The following PRDM16 variants were observed in gnomAD, a reference collection of about 807,000 sequenced individuals.
PRDM16 encodes histone-lysine N-methyltransferase PRDM16.
PRDM16 carries 23 observed loss-of-function variants against 110.6 expected under a neutral mutation model. That is an observed-to-expected ratio of 0.21 (90% CI 0.15 to 0.29). The LOEUF (loss-of-function observed/expected upper bound fraction) is 0.29. PRDM16 is among the 10% of genes least tolerant of loss of function. The probability of loss-of-function intolerance (pLI) is 1.00; values close to 1 mark genes in which losing one functional copy is unlikely to be tolerated. For missense variants in PRDM16, 1,615 were observed against 1,794.3 expected (o/e 0.90, Z 1.81); for synonymous variants, 799 against 781.8 (o/e 1.02, Z -0.37).
intron 3 of PRDM16, among the ~76,000 whole-genome samples, chr1:3,346,439 C>G (rs966787283): frequency 6.6e-6 from 1 of 152,172 alleles, no homozygotes; most frequent in Non-Finnish European, 1.5e-5. Context: ...GGGCGGAACA[C>G]TCTGGAGACA....
intron 2 of PRDM16, among the ~76,000 whole-genome samples, chr1:3,221,084 G>A (rs1401811554): frequency 1.3e-5 from 2 of 152,230 alleles, no homozygotes; most frequent in Non-Finnish European, 2.9e-5. Flanking sequence ...GCCAGTGGCT[G>A]GGCCTTGGAA....
At chr1:3,174,326 C>G (rs1314015589) in intron 1 of PRDM16, among the ~76,000 whole-genome samples, 1 of 152,176 alleles carries the variant, frequency 6.6e-6, no homozygotes, top group Non-Finnish European at 1.5e-5. Context: ...ACTATAAAGA[C>G]CTTATTTCCG....
At chr1:3,349,659 G>A (rs1642441375) in intron 3 of PRDM16, among the ~76,000 whole-genome samples, 1 of 152,240 alleles carries the variant, frequency 6.6e-6, no homozygotes, top group Non-Finnish European at 1.5e-5. Context: ...GCCCGTGAAA[G>A]CCAGCCTTGG....
At chr1:3,351,821 C>G (rs975906226) in intron 3 of PRDM16, among the ~76,000 whole-genome samples, 3 of 146,380 alleles carry the variant, frequency 2.0e-5, no homozygotes, top group African/African-American at 5.1e-5. Flanking sequence ...CTTGCAGTCT[C>G]CAGCCATTTG....
At chr1:3,282,369 T>A (rs1305630951) in intron 3 of PRDM16, among the ~76,000 whole-genome samples, 2 of 152,084 alleles carry the variant, frequency 1.3e-5, no homozygotes, top group African/African-American at 2.4e-5. Context: ...CCCCCACAGG[T>A]CCTCGACCCA....
At chr1:3,393,172 C>T (rs1018156445) in intron 4 of PRDM16, among the ~76,000 whole-genome samples, 12 of 152,246 alleles carry the variant, frequency 7.9e-5, no homozygotes, top group Admixed American at 3.9e-4. Context: ...AAATTCCAGC[C>T]TTGCCCGTGC....
chr1:3,383,567 C>T lies in PRDM16; in HGVS notation c.439-1585C>T, dbSNP rs182203876. ...CACATGCTTCCCCATTGATTGGTGC[C>T]GACGTTTAACTTTTCAAAAGAATTC... On this transcript the variant is annotated intron_variant, in intron 3 of 16. Transcript: ENST00000270722. Among the ~76,000 whole-genome samples, 362 of 152,194 alleles carry T rather than the reference C, an allele frequency of 2.4e-3. 1 individual carries two copies. The highest frequency in any genetic ancestry group is 3.7e-3 in the South Asian group (18 of 4,806).
At chr1:3,356,378 A>G (rs1339854419) in intron 3 of PRDM16, among the ~76,000 whole-genome samples, 2 of 152,166 alleles carry the variant, frequency 1.3e-5, no homozygotes, top group Non-Finnish European at 2.9e-5. Context: ...CTGCCGTCTC[A>G]TCAGGCGGAG....
intron 3 of PRDM16, among the ~76,000 whole-genome samples, chr1:3,287,724 G>A (rs1304359426): frequency 4.4e-5 from 6 of 136,192 alleles, no homozygotes; most frequent in Admixed American, 7.0e-5. Flanking sequence ...ATCCAGGATT[G>A]CATTTACCGG....
chr1:3,302,531 A>C (rs111719419), intron 3 of PRDM16, among the ~76,000 whole-genome samples: 2 of 151,910 alleles, frequency 1.3e-5, no homozygotes, highest in Non-Finnish European at 2.9e-5. Flanking sequence ...CAATATTGCA[A>C]AGCACAGTAA....
chr1:3,131,105 G>A (rs116324155), intron 1 of PRDM16, among the ~76,000 whole-genome samples: 95 of 152,280 alleles, frequency 6.2e-4, no homozygotes, highest in African/African-American at 2.2e-3. Context: ...TCTGCCCTTG[G>A]CTTCCTCCGA....
chr1:3,093,158 T>C (rs1642315579), intron 1 of PRDM16, among the ~76,000 whole-genome samples: 1 of 152,168 alleles, frequency 6.6e-6, no homozygotes, highest in African/African-American at 2.4e-5. Flanking sequence ...TTCATACTGT[T>C]TTCCTCACCC....
intron 12 of PRDM16, among the ~76,000 whole-genome samples, chr1:3,423,050 A>G (rs889160042): frequency 6.6e-6 from 1 of 152,212 alleles, no homozygotes; most frequent in African/African-American, 2.4e-5. Context: ...GGCCAGAGTG[A>G]GCCTGGCCTC....
At chr1:3,416,146 G>A (rs1340986792) in intron 10 of PRDM16, among the ~76,000 whole-genome samples, 13 of 152,338 alleles carry the variant, frequency 8.5e-5, no homozygotes, top group Admixed American at 5.2e-4. Flanking sequence ...CTACTCGTTC[G>A]TTTCTTTCTG....
At chr1:3,149,492 G>A (rs778998337) in intron 1 of PRDM16, among the ~76,000 whole-genome samples, 6 of 152,172 alleles carry the variant, frequency 3.9e-5, no homozygotes, top group African/African-American at 7.2e-5. Flanking sequence ...TCCTGGCTGA[G>A]GACGTCAGTC....
chr1:3,331,300 C>T (rs753187579), intron 3 of PRDM16, among the ~76,000 whole-genome samples: 5 of 152,058 alleles, frequency 3.3e-5, no homozygotes, highest in Non-Finnish European at 7.4e-5. Flanking sequence ...GGCAGCCCCC[C>T]CCCGGCACAC....
chr1:3,162,026 C>T (rs1383977495), intron 1 of PRDM16, among the ~76,000 whole-genome samples: 3 of 152,236 alleles, frequency 2.0e-5, no homozygotes, highest in Non-Finnish European at 4.4e-5. Context: ...CTCCACACCA[C>T]CTCTCAGGGG....
At chr1:3,227,454 G>A (rs1281637017) in intron 2 of PRDM16, among the ~76,000 whole-genome samples, 1 of 152,254 alleles carries the variant, frequency 6.6e-6, no homozygotes, top group African/African-American at 2.4e-5. Flanking sequence ...GGAAAATTGG[G>A]TAAAAAGATT....
chr1:3,225,568 G>A (rs1639268219), intron 2 of PRDM16, among the ~76,000 whole-genome samples: 1 of 150,212 alleles, frequency 6.7e-6, no homozygotes, highest in African/African-American at 2.5e-5. Flanking sequence ...GTGTGTGTGT[G>A]TGTGTGCGCG....
Sources: gnomAD v4.1 joint callset for allele counts (sites outside exome capture counted in the v4.1 genomes callset) on GRCh38, gnomAD v4.1.1 for gene constraint, MANE v1.5 for transcripts, NCBI Gene and HGNC (gene_info 2026-07-23, HGNC 2026-07-21) for gene names.